TTC7B: variants seen among roughly 807,000 people sequenced by gnomAD.
TTC7B encodes tetratricopeptide repeat protein 7B.
Under a neutral mutation model 106.8 loss-of-function variants are expected in TTC7B, and 28 were observed. The observed-to-expected ratio is 0.26, with a 90% confidence interval of 0.19 to 0.36. The LOEUF (loss-of-function observed/expected upper bound fraction) is 0.36, where lower values mean the gene tolerates loss of function less well. Among genes scored for constraint, TTC7B ranks in the 10% least tolerant of loss-of-function variants. TTC7B has a pLI of 1.00. For missense variants in TTC7B, 862 were observed against 1,076.4 expected (o/e 0.80, Z 2.79); for synonymous variants, 405 against 430.6 (o/e 0.94, Z 0.74).
intron 17 of TTC7B, among the ~76,000 whole-genome samples, chr14:90,603,978 G>A (rs1215238463): frequency 1.3e-5 from 2 of 152,128 alleles, no homozygotes; most frequent in African/African-American, 4.8e-5. Context: ...AGCACTGCCC[G>A]GGACATACTC....
At chr14:90,722,728 G>A (rs1426923457) in intron 5 of TTC7B, among the ~76,000 whole-genome samples, 1 of 152,114 alleles carries the variant, frequency 6.6e-6, no homozygotes, top group Non-Finnish European at 1.5e-5. Flanking sequence ...CTGATCCAGG[G>A]GTCACAATTT....
intron 5 of TTC7B, among the ~76,000 whole-genome samples, chr14:90,714,503 C>A (rs1247612939): frequency 6.7e-6 from 1 of 149,772 alleles, no homozygotes; most frequent in African/African-American, 2.5e-5. Flanking sequence ...GTCGCTCAGG[C>A]TGGAGTGCAA....
Position 90,524,998 on chromosome 14 carries a change from G to C in TTC7B, c.*16370C>G, listed in dbSNP as rs1246693227. 1 of 152,098 alleles carries C rather than the reference G, an allele frequency of 6.6e-6. No individual in the cohort carries two copies. Among genetic ancestry groups the C allele is most frequent in the Non-Finnish European group, 1.5e-5 (1 of 68,012 alleles). The allele number at this position is 152,098 out of a possible 1,614,324, so 9.4% of individuals were successfully genotyped here. On this transcript the variant is annotated 3_prime_UTR_variant, in exon 20 of 20. Transcript: ENST00000328459. The stretch of plus-strand genomic sequence containing the variant: ...TACAGTTCAATATGTCTTGACATTT[G>C]TATCTATCCATGAAGCCATCGCCAC...
Position 90,657,261 on chromosome 14 carries a change from C to A in TTC7B, c.1254G>T (p.Lys418Asn), listed in dbSNP as rs760210286. Residue 418 changes from lysine (K) to asparagine (N), a missense_variant, in exon 11 of 20, where the codon AAG becomes AAT. Physicochemically the swap from Lys to Asn is moderately conservative, Grantham distance 94. Coordinates refer to ENST00000328459, the MANE Select transcript of TTC7B (RefSeq NM_001010854.2). The surrounding 1 kb of genome is among the most constrained non-coding windows in gnomAD (Gnocchi z 4.2). ...MAAGKSARAV[K>N]VLKECIRLKP... ...TCAGGCGGATACACTCTTTCAGCAC[C>A]TTCACGGCACGGGCAGACTTGGCAA... The A allele has an allele frequency of 3.7e-6, 6 of 1,613,822 alleles. No homozygotes were observed. In the Admixed American group the frequency reaches 1.0e-4, roughly 27 times the overall value.
intron 18 of TTC7B, among the ~76,000 whole-genome samples, chr14:90,583,334 A>G (rs1283299107): frequency 2.0e-5 from 3 of 152,224 alleles, no homozygotes; most frequent in Non-Finnish European, 2.9e-5. Context: ...GTGCTCAAGA[A>G]AAGTCTGCAG....
At chr14:90,727,734 T>A (rs546559457) in intron 5 of TTC7B, among the ~76,000 whole-genome samples, 2 of 152,368 alleles carry the variant, frequency 1.3e-5, no homozygotes, top group African/African-American at 4.8e-5. Context: ...ACATTGTGTT[T>A]CATCAATTCC....
chr14:90,776,653 G>A (rs541970275), intron 3 of TTC7B, among the ~76,000 whole-genome samples: 12 of 152,220 alleles, frequency 7.9e-5, no homozygotes, highest in Admixed American at 3.3e-4. Context: ...GGGTATTCTC[G>A]AGTGACCTGA....
chr14:90,532,954 C>G lies in TTC7B; in HGVS notation c.*8414G>C, dbSNP rs1046797238. 2.0e-5 allele frequency: 3 copies of G among 152,288 alleles called. No individual in the cohort carries two copies. Among genetic ancestry groups the G allele is most frequent in the African/African-American group, 7.2e-5 (3 of 41,418 alleles). The allele number at this position is 152,288 out of a possible 1,614,324, so 9.4% of individuals were successfully genotyped here. Reference sequence around the variant, plus strand: ...TGCCATGCCCGGGGGAGGAGCCATGCAGGGGTAGGGCTGGGCTGTGCTCGG... The same window carrying G: ...TGCCATGCCCGGGGGAGGAGCCATGGAGGGGTAGGGCTGGGCTGTGCTCGG... On this transcript the variant is annotated 3_prime_UTR_variant, in exon 20 of 20. Coordinates refer to ENST00000328459, the MANE Select transcript of TTC7B (RefSeq NM_001010854.2).
At chr14:90,724,498 C>A (rs1342240791) in intron 5 of TTC7B, among the ~76,000 whole-genome samples, 1 of 152,120 alleles carries the variant, frequency 6.6e-6, no homozygotes. Flanking sequence ...GCACCATCAC[C>A]CTTGGTACTC....
chr14:90,662,145 G>C (rs12881399), intron 9 of TTC7B, among the ~76,000 whole-genome samples: 57,824 of 152,064 alleles, frequency 0.38, 12,172 homozygotes, highest in East Asian at 0.55. Flanking sequence ...CAGGGGGGAC[G>C]AGCAGGCACT....
rs2030750830 is a variant in TTC7B at position 90,808,954 on chromosome 14, A to G, written c.121+7221T>C. On this transcript the variant is annotated intron_variant, in intron 1 of 19. Transcript: ENST00000328459. This position sits in a 1 kb window ranked among gnomAD's most constrained non-coding sequence, Gnocchi z 4.2. The stretch of plus-strand genomic sequence containing the variant: ...GAGGTGTACCAGTTAGAACGCCTTC[A>G]GCAGCCAGTAACGACCAAACGCCTG... 6.6e-6 allele frequency among the ~76,000 whole-genome samples: 1 copy of G among 152,236 alleles called. No individual in the cohort carries two copies. The highest frequency in any genetic ancestry group is 1.5e-5 in the Non-Finnish European group (1 of 68,044).
chr14:90,643,634 G>C (rs535639175), intron 15 of TTC7B, among the ~76,000 whole-genome samples: 2 of 152,210 alleles, frequency 1.3e-5, no homozygotes, highest in South Asian at 2.1e-4. Flanking sequence ...CTGGAATGCA[G>C]TGCAGGGGTA....
At chr14:90,618,078 C>A (rs368486671) in intron 15 of TTC7B, 33 bp from the exon 16 acceptor site, 105 of 1,512,040 alleles carry the variant, frequency 6.9e-5, no homozygotes, top group Non-Finnish European at 8.9e-5. Flanking sequence ...GAAAACACCA[C>A]GGCTCAAGCC....
At chr14:90,740,557 A>G (rs1889720552) in intron 4 of TTC7B, among the ~76,000 whole-genome samples, 1 of 123,122 alleles carries the variant, frequency 8.1e-6, no homozygotes, top group South Asian at 2.6e-4. Context: ...GCTAGAGTGC[A>G]GTGGTGCGAT....
At chr14:90,773,125 G>T (rs2140028249) in intron 3 of TTC7B, among the ~76,000 whole-genome samples, 1 of 152,334 alleles carries the variant, frequency 6.6e-6, no homozygotes, top group Admixed American at 6.5e-5. Flanking sequence ...GCCACCTGCT[G>T]CTCCCAGCCT....
chr14:90,604,492 G>T (rs150911563), intron 17 of TTC7B, among the ~76,000 whole-genome samples: 1 of 152,234 alleles, frequency 6.6e-6, no homozygotes, highest in Non-Finnish European at 1.5e-5. Flanking sequence ...TCTAGTTTCT[G>T]CCCTGGCTTT....
chr14:90,553,358 C>A (rs1249717310), intron 19 of TTC7B, among the ~76,000 whole-genome samples: 1 of 152,144 alleles, frequency 6.6e-6, no homozygotes, highest in Non-Finnish European at 1.5e-5. Flanking sequence ...TTCAAAAAAA[C>A]CTCTTATTTT....
chr14:90,812,745 G>A (rs566088474), intron 1 of TTC7B, among the ~76,000 whole-genome samples: 36 of 152,132 alleles, frequency 2.4e-4, no homozygotes, highest in Non-Finnish European at 4.4e-4. Flanking sequence ...TGGTGACTAC[G>A]GTAGGGTACG....
Position 90,802,013 on chromosome 14 carries a change from A to G in TTC7B, c.121+14162T>C, listed in dbSNP as rs2030300731. Among the ~76,000 whole-genome samples, 1 of 151,796 alleles carries G rather than the reference A, an allele frequency of 6.6e-6. No homozygotes were observed. The highest frequency in any genetic ancestry group is 2.4e-5 in the African/African-American group (1 of 41,304). On this transcript the variant is annotated intron_variant, in intron 1 of 19. Coordinates refer to ENST00000328459, the MANE Select transcript of TTC7B (RefSeq NM_001010854.2). The surrounding 1 kb of genome is among the most constrained non-coding windows in gnomAD (Gnocchi z 4.7). ...GAGGTGGAGGTTGCAGTGAGCCAAG[A>G]TCGTGCCATTGTACTCCAGCCTGGA...
Sources: allele counts gnomAD v4.1 joint callset (sites outside exome capture counted in the v4.1 genomes callset), GRCh38; gene constraint gnomAD v4.1.1; non-coding constraint Gnocchi (gnomAD v3.1); transcripts MANE v1.5; gene names NCBI Gene and HGNC (gene_info 2026-07-23, HGNC 2026-07-21).